GFRA1: variants seen among roughly 807,000 people sequenced by gnomAD.
The protein encoded by GFRA1 is GDNF family receptor alpha-1.
GFRA1 carries 16 observed loss-of-function variants against 51.6 expected under a neutral mutation model. The ratio of observed to expected loss-of-function variants is 0.31; its 90% CI spans 0.21 to 0.47. GFRA1 has a LOEUF of 0.47. Among genes scored for constraint, GFRA1 ranks in the 20% least tolerant of loss-of-function variants. The pLI is 1.00. For missense variants in GFRA1, 530 were observed against 594.3 expected (o/e 0.89, Z 1.13); for synonymous variants, 270 against 241.3 (o/e 1.12, Z -1.10).
chr10:116,188,422 G>T (rs775754668), intron 5 of GFRA1, among the ~76,000 whole-genome samples: 1 of 152,160 alleles, frequency 6.6e-6, no homozygotes, highest in Non-Finnish European at 1.5e-5. Flanking sequence ...CCAATTCTTG[G>T]AGCTAGAAAG....
At chr10:116,175,562 T>C (rs538882147) in intron 5 of GFRA1, among the ~76,000 whole-genome samples, 1 of 152,316 alleles carries the variant, frequency 6.6e-6, no homozygotes, top group East Asian at 1.9e-4. Context: ...TCTCGCTAGC[T>C]TTGCTTCGTA....
In GFRA1 at chr10:116,130,452, G is replaced by A. The variant is rs550028410; in HGVS notation, c.434-4895C>T. On this transcript the variant is annotated intron_variant, in intron 5 of 10. Coordinates refer to ENST00000355422, the MANE Select transcript of GFRA1 (RefSeq NM_005264.8). ...ACGCAAAGGACACAGAATAACTAAA[G>A]CAACTGGAACAAGGAAAACAAAGTT... Among the ~76,000 whole-genome samples, 5 of 152,140 alleles carry A rather than the reference G, an allele frequency of 3.3e-5. No homozygotes were observed. In the South Asian group the frequency reaches 1.0e-3, roughly 31 times the overall value.
chr10:116,236,604 A>T (rs961794285), intron 4 of GFRA1, among the ~76,000 whole-genome samples: 6 of 152,234 alleles, frequency 3.9e-5, no homozygotes, highest in African/African-American at 1.4e-4. Flanking sequence ...TATACAAATT[A>T]AACATATACC....
intron 6 of GFRA1, among the ~76,000 whole-genome samples, chr10:116,103,534 T>C (rs937978506): frequency 5.3e-5 from 8 of 152,240 alleles, no homozygotes; most frequent in Non-Finnish European, 1.0e-4. Context: ...CTCTGTTACA[T>C]GAACTCATAA....
intron 9 of GFRA1, among the ~76,000 whole-genome samples, chr10:116,077,588 A>G (rs1256240577): frequency 2.6e-5 from 4 of 152,248 alleles, no homozygotes; most frequent in Non-Finnish European, 4.4e-5. Flanking sequence ...CAAGCCCATT[A>G]CAACTTTTAA....
Position 116,062,720 on chromosome 10 carries a change from G to A in GFRA1, c.*1678C>T, listed in dbSNP as rs1954879375. ...CTCCTCCTCTTTACTTAATGTTGGAGAAAAGTGGCCACCAGTACTCGATCA... is the reference window on the plus strand; with the variant it reads ...CTCCTCCTCTTTACTTAATGTTGGAAAAAAGTGGCCACCAGTACTCGATCA... On this transcript the variant is annotated 3_prime_UTR_variant, in exon 11 of 11. Coordinates refer to ENST00000355422, the MANE Select transcript of GFRA1 (RefSeq NM_005264.8). 1 of 152,184 alleles carries A rather than the reference G, an allele frequency of 6.6e-6. No homozygotes were observed. The highest frequency in any genetic ancestry group is 1.5e-5 in the Non-Finnish European group (1 of 68,042). The allele number at this position is 152,184 out of a possible 1,614,324, so 9.4% of individuals were successfully genotyped here. A position where few individuals can be genotyped will look rare whatever the true frequency, so the allele number is the denominator to read the frequency against.
chr10:116,178,659 G>C (rs572522395), intron 5 of GFRA1, among the ~76,000 whole-genome samples: 83 of 152,280 alleles, frequency 5.5e-4, no homozygotes, highest in African/African-American at 1.8e-3. Context: ...GATCTGACTG[G>C]GGTCACCCAC....
rs186941397 is a variant in GFRA1, at chr10:116,197,025, C to T, written c.433+14606G>A. 2.8e-4 allele frequency among the ~76,000 whole-genome samples: 43 copies of T among 151,486 alleles called. No individual in the cohort carries two copies. The East Asian group carries it at 7.8e-3, about 27-fold the overall frequency. On this transcript the variant is annotated intron_variant, in intron 5 of 10. Transcript: ENST00000355422. ...TCTTCATGTGGCCTTCTCTCCATGTCCTCTCCTCTTAGAAGAACAACCAGT... is the reference window on the plus strand; with the variant it reads ...TCTTCATGTGGCCTTCTCTCCATGTTCTCTCCTCTTAGAAGAACAACCAGT...
chr10:116,070,160 G>A (rs1332104610), intron 9 of GFRA1, among the ~76,000 whole-genome samples: 2 of 152,128 alleles, frequency 1.3e-5, no homozygotes, highest in Non-Finnish European at 2.9e-5. Flanking sequence ...ATGATGCTCT[G>A]GTTCTTTTCT....
chr10:116,181,445 C>T (rs1210444823), intron 5 of GFRA1, among the ~76,000 whole-genome samples: 4 of 152,144 alleles, frequency 2.6e-5, no homozygotes, highest in Non-Finnish European at 5.9e-5. Context: ...GGAGGAAGGC[C>T]CAGCTCTGCC....
chr10:116,200,776 T>A (rs1964269553), intron 5 of GFRA1, among the ~76,000 whole-genome samples: 1 of 152,140 alleles, frequency 6.6e-6, no homozygotes, highest in African/African-American at 2.4e-5. Flanking sequence ...GACCTAATTA[T>A]CCCCAAAGGC....
At position 116,271,740 on chromosome 10, in the gene GFRA1, C is replaced by T. The variant is rs987981743; in HGVS notation, c.40+250G>A. On this transcript the variant is annotated intron_variant, in intron 2 of 10. Coordinates refer to ENST00000355422, the MANE Select transcript of GFRA1 (RefSeq NM_005264.8). ...GCCCTGGGCTGGAGGGCTTCTTAGT[C>T]CCCCGCCAAGTTGGGTCATTAAAAA... Among the ~76,000 whole-genome samples, 6 of 152,316 alleles carry T rather than the reference C, an allele frequency of 3.9e-5. No individual in the cohort carries two copies. In the South Asian group the frequency reaches 6.2e-4, roughly 16 times the overall value.
At chr10:116,103,895 T>C (rs1304284078) in intron 6 of GFRA1, among the ~76,000 whole-genome samples, 1 of 152,218 alleles carries the variant, frequency 6.6e-6, no homozygotes, top group Non-Finnish European at 1.5e-5. Context: ...TTATTTTGTG[T>C]TGCTATTGCT....
chr10:116,065,157 C>A (rs1229253627), intron 10 of GFRA1, among the ~76,000 whole-genome samples: 1 of 152,192 alleles, frequency 6.6e-6, no homozygotes, highest in Non-Finnish European at 1.5e-5. Context: ...TTTCGGTCTC[C>A]TCACCTGTAA....
chr10:116,145,451 AG>A (rs1423269903), intron 5 of GFRA1, among the ~76,000 whole-genome samples: 1 of 152,090 alleles, frequency 6.6e-6, no homozygotes, highest in African/African-American at 2.4e-5. Flanking sequence ...TTAATTATTA[AG>A]GAAAAACTTA....
At chr10:116,178,815 T>G (rs1333837278) in intron 5 of GFRA1, among the ~76,000 whole-genome samples, 1 of 152,192 alleles carries the variant, frequency 6.6e-6, no homozygotes, top group Non-Finnish European at 1.5e-5. Context: ...GCCTTCTCTC[T>G]CATTCTCTTT....
At chr10:116,074,633 G>A (rs1023835222) in intron 9 of GFRA1, among the ~76,000 whole-genome samples, 1 of 152,150 alleles carries the variant, frequency 6.6e-6, no homozygotes, top group Non-Finnish European at 1.5e-5. Flanking sequence ...GGCAGGCAGG[G>A]GACAGCCACC....
chr10:116,266,218 T>C (rs1282340298), intron 4 of GFRA1, among the ~76,000 whole-genome samples: 1 of 152,148 alleles, frequency 6.6e-6, no homozygotes, highest in African/African-American at 2.4e-5. Context: ...AGCTCACCCT[T>C]AGTGTATGTG....
intron 9 of GFRA1, among the ~76,000 whole-genome samples, chr10:116,071,777 A>G (rs1282918306): frequency 6.6e-6 from 1 of 152,216 alleles, no homozygotes; most frequent in East Asian, 1.9e-4. Context: ...TAGAAATGGT[A>G]TGTCTATACG....
Sources: gnomAD v4.1 joint callset for allele counts (sites outside exome capture counted in the v4.1 genomes callset) on GRCh38, gnomAD v4.1.1 for gene constraint, MANE v1.5 for transcripts, NCBI Gene and HGNC (gene_info 2026-07-23, HGNC 2026-07-21) for gene names.